CA10: variants seen among roughly 807,000 people sequenced by gnomAD.
The protein encoded by CA10 is carbonic anhydrase 10 (inactive), also known as carbonic anhydrase-related protein 10.
Under a neutral mutation model 44.2 loss-of-function variants are expected in CA10, and 14 were observed. That is an observed-to-expected ratio of 0.32 (90% CI 0.21 to 0.50). The LOEUF is 0.50. Ranked by LOEUF, CA10 falls within the 20% of genes least tolerant of loss-of-function variation. CA10 has a pLI of 0.99. For synonymous variants in CA10, 159 were observed against 141.6 expected (o/e 1.12, Z -0.87); for missense variants, 350 against 409.7 (o/e 0.85, Z 1.26).
chr17:51,942,656 G>A (rs533224109), intron 2 of CA10, among the ~76,000 whole-genome samples: 1 of 151,808 alleles, frequency 6.6e-6, no homozygotes, highest in South Asian at 2.1e-4. Context: ...GGTTCCCACT[G>A]CCAGGTGCCT....
intron 3 of CA10, among the ~76,000 whole-genome samples, chr17:51,849,125 A>AT (rs1491224921): frequency 3.5e-5 from 5 of 143,648 alleles, no homozygotes; most frequent in African/African-American, 1.3e-4. Context: ...GTATATATAT[A>AT]AATATAAAAA....
chr17:52,090,648 T>C (rs1489481066), intron 1 of CA10, among the ~76,000 whole-genome samples: 1 of 152,160 alleles, frequency 6.6e-6, no homozygotes. Flanking sequence ...AATATAACTA[T>C]TTTTTTCTGT....
chr17:51,639,219 A>G (rs891480852), intron 6 of CA10, among the ~76,000 whole-genome samples: 4 of 152,312 alleles, frequency 2.6e-5, no homozygotes, highest in African/African-American at 7.2e-5. Flanking sequence ...TTAAAGGTCA[A>G]TGTGATTTGT....
chr17:51,653,916 A>G (rs1913677851), intron 4 of CA10, among the ~76,000 whole-genome samples, 180 bp from the exon 5 acceptor site: 1 of 152,256 alleles, frequency 6.6e-6, no homozygotes, highest in African/African-American at 2.4e-5. Flanking sequence ...ATGCATGTAC[A>G]CGCACACAAA....
intron 4 of CA10, among the ~76,000 whole-genome samples, chr17:51,675,034 G>A (rs1914567631): frequency 6.6e-6 from 1 of 152,134 alleles, no homozygotes; most frequent in Non-Finnish European, 1.5e-5. Context: ...ACAGCCTGTT[G>A]CCCCCCGTTG....
rs1979026826 is a variant in CA10 at position 51,856,064 on chromosome 17, C to CTTAAGCTGAAGAGGGTA, written c.279+74909_279+74925dup. On this transcript the variant is annotated intron_variant, in intron 3 of 8. Coordinates refer to ENST00000451037, the MANE Select transcript of CA10 (RefSeq NM_020178.5). ...CTGTGCCCCGCGCAAATGTGCAAGC[C>CTTAAGCTGAAGAGGGTA]TTAAGCTGAAGAGGGTATTAGGAAA... Among the ~76,000 whole-genome samples, 3 of 152,276 alleles carry CTTAAGCTGAAGAGGGTA rather than the reference C, an allele frequency of 2.0e-5. No homozygotes were observed. The South Asian group carries it at 6.2e-4, about 32-fold the overall frequency.
chr17:51,637,799 C>T (rs1430395399), intron 6 of CA10, among the ~76,000 whole-genome samples: 1 of 152,222 alleles, frequency 6.6e-6, no homozygotes, highest in Non-Finnish European at 1.5e-5. Context: ...GAACTCAGCT[C>T]TTCCGACCTC....
chr17:51,850,742 C>T (rs1353434806), intron 3 of CA10, among the ~76,000 whole-genome samples: 2 of 152,204 alleles, frequency 1.3e-5, no homozygotes, highest in African/African-American at 4.8e-5. Flanking sequence ...CAGCGCCCAA[C>T]ACTTAGTAAG....
At chr17:51,635,809 T>A (rs940028358) in intron 7 of CA10, 46 bp downstream of exon 7, 5 of 1,440,732 alleles carry the variant, frequency 3.5e-6, no homozygotes, top group Non-Finnish European at 4.7e-6. Flanking sequence ...GATTTTTTTT[T>A]AACATCATTC....
At chr17:52,069,041 C>A (rs930780478) in intron 2 of CA10, among the ~76,000 whole-genome samples, 5 of 152,172 alleles carry the variant, frequency 3.3e-5, no homozygotes, top group Non-Finnish European at 5.9e-5. Context: ...GGAGGCAGAA[C>A]TCCCTTTTTC....
intron 2 of CA10, among the ~76,000 whole-genome samples, chr17:52,044,507 T>A (rs1986855398): frequency 6.6e-6 from 1 of 151,980 alleles, no homozygotes; most frequent in Non-Finnish European, 1.5e-5. Flanking sequence ...TTTTGTCATG[T>A]TGCCCAGGCT....
intron 2 of CA10, among the ~76,000 whole-genome samples, chr17:51,986,143 T>G (rs935210793): frequency 1.3e-5 from 2 of 152,032 alleles, no homozygotes; most frequent in African/African-American, 4.8e-5. Context: ...AACATGGTAC[T>G]GATATAAAAA....
At chr17:51,704,050 T>C (rs1466414396) in intron 4 of CA10, among the ~76,000 whole-genome samples, 2 of 152,222 alleles carry the variant, frequency 1.3e-5, no homozygotes, top group African/African-American at 4.8e-5. Context: ...CTGATCTCTT[T>C]CGATTGTTTC....
intron 2 of CA10, among the ~76,000 whole-genome samples, chr17:51,948,466 G>A (rs775673704): frequency 6.6e-6 from 1 of 152,124 alleles, no homozygotes; most frequent in South Asian, 2.1e-4. Context: ...CAGCTGCAAC[G>A]CTCCCCAGAG....
chr17:52,033,175 A>G (rs1204821555), intron 2 of CA10, among the ~76,000 whole-genome samples: 1 of 152,240 alleles, frequency 6.6e-6, no homozygotes, highest in Non-Finnish European at 1.5e-5. Context: ...AAAATGAAAG[A>G]GCAAGGACAA....
intron 2 of CA10, among the ~76,000 whole-genome samples, chr17:52,002,590 A>C (rs1284346927): frequency 6.6e-6 from 1 of 151,682 alleles, no homozygotes; most frequent in East Asian, 2.0e-4. Flanking sequence ...ATGAGCATGC[A>C]CTATATCTAC....
Position 51,893,131 on chromosome 17 carries a change from A to C in CA10, c.279+37859T>G, listed in dbSNP as rs578186857. 2.6e-5 allele frequency among the ~76,000 whole-genome samples: 4 copies of C among 152,266 alleles called. No individual in the cohort carries two copies. In the South Asian group the frequency reaches 8.3e-4, roughly 32 times the overall value. ...AATATCAAGTTACAGGCTAACAGAT[A>C]AAAAGACTATAATCAAAATACATAA... On this transcript the variant is annotated intron_variant, in intron 3 of 8. Transcript: ENST00000451037.
At chr17:51,852,267 A>G (rs866366272) in intron 3 of CA10, among the ~76,000 whole-genome samples, 3 of 152,202 alleles carry the variant, frequency 2.0e-5, no homozygotes, top group African/African-American at 7.2e-5. Context: ...AAGAGATTTC[A>G]GCTGCACCGA....
At chr17:51,921,547 C>G (rs1017284684) in intron 3 of CA10, among the ~76,000 whole-genome samples, 1 of 152,168 alleles carries the variant, frequency 6.6e-6, no homozygotes, top group Non-Finnish European at 1.5e-5. Flanking sequence ...TCTTCCTCTT[C>G]TTCTGTACTT....
Sources: gnomAD v4.1 joint callset for allele counts (sites outside exome capture counted in the v4.1 genomes callset) on GRCh38, gnomAD v4.1.1 for gene constraint, MANE v1.5 for transcripts, NCBI Gene and HGNC (gene_info 2026-07-23, HGNC 2026-07-21) for gene names.